LRRIQ1: variants seen among roughly 807,000 people sequenced by gnomAD.
The protein encoded by LRRIQ1 is leucine-rich repeat- and IQ domain-containing protein 1.
A neutral mutation model predicts 211.9 loss-of-function variants in LRRIQ1; 210 were observed. The observed-to-expected ratio is 0.99, with a 90% CI of 0.89 to 1.11. The LOEUF (loss-of-function observed/expected upper bound fraction) is 1.11, where lower values mean the gene tolerates loss of function less well. Ranked by LOEUF, LRRIQ1 falls within the 50% of genes most tolerant of loss-of-function variation. The pLI, the probability that LRRIQ1 is intolerant of heterozygous loss-of-function variation, is 0.00. For missense variants in LRRIQ1, 2,136 were observed against 1,939.5 expected, an observed-to-expected ratio of 1.10 and a Z score of -1.90; for synonymous variants, 699 against 650.1, an observed-to-expected ratio of 1.08 and a Z score of -1.14.
chr12:85,098,594 T>C, intron 12 of LRRIQ1, 46 bp downstream of exon 12: 1 of 1,466,740 alleles, frequency 6.8e-7, no homozygotes, highest in South Asian at 1.3e-5. Context: ...GCAACACTTT[T>C]CTTTTGATAG....
At chr12:85,109,712 A>G (rs1887031757) in intron 15 of LRRIQ1, among the ~76,000 whole-genome samples, 1 of 152,134 alleles carries the variant, frequency 6.6e-6, no homozygotes, top group Non-Finnish European at 1.5e-5. Context: ...GTGTTCAGTA[A>G]TCTGTACTTT....
intron 26 of LRRIQ1, among the ~76,000 whole-genome samples, chr12:85,238,753 A>G (rs1332854362): frequency 6.6e-6 from 1 of 152,146 alleles, no homozygotes; most frequent in Non-Finnish European, 1.5e-5. Context: ...AACTTGATAT[A>G]CTTAGTGGTT....
intron 24 of LRRIQ1, among the ~76,000 whole-genome samples, chr12:85,197,967 TA>T (rs539222084): frequency 7.5e-5 from 8 of 106,166 alleles, no homozygotes; most frequent in East Asian, 4.5e-4. Context: ...ATATTATATA[TA>T]AATATATATA....
intron 1 of LRRIQ1, among the ~76,000 whole-genome samples, chr12:85,260,397 T>C (rs1896251122): frequency 6.6e-6 from 1 of 152,024 alleles, no homozygotes; most frequent in South Asian, 2.1e-4. Context: ...AACGAGAAAT[T>C]ATATTATTGA....
Position 85,154,035 on chromosome 12 carries a change from C to T in LRRIQ1, c.4661C>T (p.Ala1554Val). Residue 1554 changes from alanine (A) to valine (V), a missense_variant, in exon 23 of 27, where the codon GCT becomes GTT. Transcript: ENST00000393217. ...AGGGGCTTTAAGGATATTTCTACTG[C>T]TCAGCAAATGTTGAAGAGGGCACAG... is the stretch of plus-strand genomic sequence containing the variant. ...EEWGFKDIST[A>V]QQMLKRAQKM... 6.4e-7 allele frequency: 1 copy of T among 1,567,976 alleles called. No homozygotes were observed. Among genetic ancestry groups the T allele is most frequent in the South Asian group, 1.2e-5 (1 of 82,070 alleles).
intron 24 of LRRIQ1, among the ~76,000 whole-genome samples, chr12:85,206,707 G>A (rs771043592): frequency 6.6e-6 from 1 of 151,962 alleles, no homozygotes; most frequent in Non-Finnish European, 1.5e-5. Flanking sequence ...CGACAATCAG[G>A]TGCACTCTGC....
chr12:85,200,411 A>G (rs1381391613), intron 24 of LRRIQ1, among the ~76,000 whole-genome samples: 1 of 152,114 alleles, frequency 6.6e-6, no homozygotes, highest in Non-Finnish European at 1.5e-5. Context: ...GCAAATAGAG[A>G]TAGTCTGACA....
intron 26 of LRRIQ1, among the ~76,000 whole-genome samples, chr12:85,238,770 C>T (rs1895319750): frequency 1.3e-5 from 2 of 151,686 alleles, no homozygotes; most frequent in Non-Finnish European, 2.9e-5. Flanking sequence ...GGTTAAAGGC[C>T]CAATGTTTTG....
intron 1 of LRRIQ1, among the ~76,000 whole-genome samples, chr12:85,254,457 G>C (rs1896031569): frequency 6.6e-6 from 1 of 152,014 alleles, no homozygotes; most frequent in African/African-American, 2.4e-5. Context: ...CTGGATGTTA[G>C]AAACATTTCA....
At chr12:85,161,062 G>T (rs543197322) in intron 24 of LRRIQ1, among the ~76,000 whole-genome samples, 6 of 151,896 alleles carry the variant, frequency 4.0e-5, no homozygotes, top group Non-Finnish European at 8.8e-5. Context: ...ATCACATGTC[G>T]AAATGATATT....
intron 17 of LRRIQ1, among the ~76,000 whole-genome samples, chr12:85,125,772 CCAAACACTT>C (rs1277337298): frequency 1.3e-5 from 2 of 152,000 alleles, no homozygotes; most frequent in African/African-American, 4.8e-5. Flanking sequence ...TGCCTTTGCT[CCAAACACTT>C]CAAACGTTGC....
intron 15 of LRRIQ1, among the ~76,000 whole-genome samples, chr12:85,114,141 G>A (rs1192099279): frequency 2.6e-5 from 4 of 151,858 alleles, no homozygotes; most frequent in African/African-American, 9.7e-5. Flanking sequence ...GGATCTTAAA[G>A]TGAAACTTCT....
intron 19 of LRRIQ1, among the ~76,000 whole-genome samples, chr12:85,150,966 G>A (rs768996479): frequency 4.6e-5 from 7 of 151,126 alleles, no homozygotes; most frequent in Non-Finnish European, 7.4e-5. Context: ...TTTTTTTGTG[G>A]TGAGAATGCT....
At chr12:85,037,173 C>A (rs190736478) in intron 1 of LRRIQ1, among the ~76,000 whole-genome samples, 344 of 151,964 alleles carry the variant, frequency 2.3e-3, no homozygotes, top group Non-Finnish European at 3.7e-3. Flanking sequence ...ATTAATTGCA[C>A]TTCTCTTTTG....
intron 1 of LRRIQ1, among the ~76,000 whole-genome samples, chr12:85,254,706 G>C (rs1268166821): frequency 6.6e-6 from 1 of 151,944 alleles, no homozygotes; most frequent in East Asian, 1.9e-4. Flanking sequence ...CACCATCTTA[G>C]AGAAAATGTC....
intron 24 of LRRIQ1, among the ~76,000 whole-genome samples, chr12:85,173,350 C>T (rs1891512104): frequency 6.6e-6 from 1 of 152,142 alleles, no homozygotes; most frequent in East Asian, 1.9e-4. Flanking sequence ...TTCTAATTAG[C>T]TTCCAGAATG....
At chr12:85,047,867 G>A (rs1879822265) in intron 6 of LRRIQ1, 3 of 162,812 alleles carry the variant, frequency 1.8e-5, no homozygotes, top group Non-Finnish European at 2.7e-5. Context: ...TTTAAAAGTA[G>A]TTCAACCATT....
chr12:85,258,383 A>G (rs1896185769), intron 1 of LRRIQ1, among the ~76,000 whole-genome samples: 1 of 151,922 alleles, frequency 6.6e-6, no homozygotes, highest in Admixed American at 6.6e-5. Context: ...TTTATAATGT[A>G]CAAAAATACT....
chr12:85,239,354 TATACACAC>T (rs1179223578), intron 26 of LRRIQ1, among the ~76,000 whole-genome samples: 1 of 86,480 alleles, frequency 1.2e-5, no homozygotes, highest in African/African-American at 5.9e-5. Context: ...GAAACTGTTT[TATACACAC>T]ACACACACAC....
Sources: allele counts gnomAD v4.1 joint callset (sites outside exome capture counted in the v4.1 genomes callset), GRCh38; gene constraint gnomAD v4.1.1; transcripts MANE v1.5; gene names NCBI Gene and HGNC (gene_info 2026-07-23, HGNC 2026-07-21).